Variants in WDFY4 observed in about 807,000 individuals in gnomAD.
WDFY4 encodes the protein WD repeat- and FYVE domain-containing protein 4.
A neutral mutation model predicts 351.9 loss-of-function variants in WDFY4; 169 were observed. The ratio of observed to expected loss-of-function variants is 0.48; its 90% confidence interval spans 0.42 to 0.55. The LOEUF (loss-of-function observed/expected upper bound fraction) is 0.55. Among genes scored for constraint, WDFY4 ranks in the 20% least tolerant of loss-of-function variants. WDFY4 has a pLI of 0.00. For synonymous variants in WDFY4, 1,622 were observed against 1,574.6 expected, an observed-to-expected ratio of 1.03 and a Z score of -0.71; for missense variants, 3,803 against 3,935.6, an observed-to-expected ratio of 0.97 and a Z score of 0.90.
intron 52 of WDFY4, among the ~76,000 whole-genome samples, chr10:48,959,352 T>G (rs1226403383): frequency 6.6e-6 from 1 of 152,242 alleles, no homozygotes; most frequent in Non-Finnish European, 1.5e-5. Flanking sequence ...ATTTGCCAGC[T>G]TGCACCACTA....
chr10:48,889,851 G>T (rs964390645), intron 43 of WDFY4, among the ~76,000 whole-genome samples: 2 of 152,208 alleles, frequency 1.3e-5, no homozygotes, highest in African/African-American at 4.8e-5. Context: ...GGTTTGGGAT[G>T]GTTGTTTAGA....
chr10:48,738,773 T>C (rs929571708), intron 11 of WDFY4, among the ~76,000 whole-genome samples: 1 of 152,224 alleles, frequency 6.6e-6, no homozygotes, highest in Admixed American at 6.5e-5. Flanking sequence ...ACTCTGCCCA[T>C]AGGGACTGTT....
At chr10:48,846,207 T>C (rs2068770683) in intron 39 of WDFY4, among the ~76,000 whole-genome samples, 1 of 152,204 alleles carries the variant, frequency 6.6e-6, no homozygotes, top group Non-Finnish European at 1.5e-5. Flanking sequence ...CCTGTCACAT[T>C]CCCACATGGC....
chr10:48,790,023 G>A (rs918613109), intron 22 of WDFY4, 38 bp downstream of exon 22: 18 of 1,543,928 alleles, frequency 1.2e-5, no homozygotes, highest in Non-Finnish European at 1.5e-5. Flanking sequence ...TATTTGGGAA[G>A]CAGGGTTTGT....
At chr10:48,881,050 G>T (rs1212931937) in intron 43 of WDFY4, among the ~76,000 whole-genome samples, 3 of 152,214 alleles carry the variant, frequency 2.0e-5, no homozygotes, top group Admixed American at 6.5e-5. Flanking sequence ...TTAGAATGGG[G>T]TTCTACTCCT....
chr10:48,961,329 G>A (rs1841851129), intron 53 of WDFY4, among the ~76,000 whole-genome samples: 1 of 152,222 alleles, frequency 6.6e-6, no homozygotes, highest in Non-Finnish European at 1.5e-5. Flanking sequence ...ATTGACCAGA[G>A]TGTTGCTGGA....
At position 48,790,874 on chromosome 10, in the gene WDFY4, AT is replaced by A; in HGVS notation, c.4215del (p.Asn1405LysfsTer7). The part of the protein sequence containing the change: ...VKVLHSVLTS[N>X]AMCDFLMQHI... ...GTTCTGCACTCGGTCCTGACCAGTA[AT>A]GCCATGTGTGACTTCCTGATGCAAC... is the stretch of plus-strand genomic sequence containing the variant. On this transcript the variant is annotated frameshift_variant, in exon 23 of 62. Coordinates refer to ENST00000325239, the MANE Select transcript of WDFY4 (RefSeq NM_001394531.1). LOFTEE classifies it high-confidence loss of function. The A allele has an allele frequency of 6.4e-7, 1 of 1,551,746 alleles. No homozygotes were observed. The highest frequency in any genetic ancestry group is 8.7e-7 in the Non-Finnish European group (1 of 1,147,004).
rs1290551646 is a variant in WDFY4, at chr10:48,787,883, TTCTTCTTCTCCTTC to T, written c.3809-645_3809-632del. On this transcript the variant is annotated intron_variant, in intron 20 of 61. Coordinates refer to ENST00000325239, the MANE Select transcript of WDFY4 (RefSeq NM_001394531.1). ...TTTCTTCTTCTTTCTTCTTTCTTTC[TTCTTCTTCTCCTTC>T]TTCTTCTTCTTCTTCTTCTTCTTCT... Among the ~76,000 whole-genome samples, 34 of 90,042 alleles carry T rather than the reference TTCTTCTTCTCCTTC, an allele frequency of 3.8e-4. 4 individuals carry two copies. The highest frequency in any genetic ancestry group is 1.7e-3 in the African/African-American group (20 of 12,048). 59.1% of individuals were successfully genotyped at this position (90,042 alleles called of 152,430 possible).
At chr10:48,751,973 C>T (rs1319616189) in intron 12 of WDFY4, among the ~76,000 whole-genome samples, 1 of 152,278 alleles carries the variant, frequency 6.6e-6, no homozygotes, top group Non-Finnish European at 1.5e-5. Context: ...CGCCTCACAC[C>T]ACCACTGGCT....
intron 42 of WDFY4, among the ~76,000 whole-genome samples, chr10:48,875,953 G>T (rs183703124): frequency 1.4e-4 from 22 of 152,314 alleles, no homozygotes; most frequent in African/African-American, 5.3e-4. Flanking sequence ...ATGATTGCCT[G>T]CCTGCTCCAG....
chr10:48,729,857 A>G (rs922882723), intron 8 of WDFY4, among the ~76,000 whole-genome samples: 7 of 152,288 alleles, frequency 4.6e-5, no homozygotes, highest in African/African-American at 1.7e-4. Context: ...ATTTGCTTAT[A>G]TAATGGGGAC....
intron 49 of WDFY4, among the ~76,000 whole-genome samples, chr10:48,944,723 C>G (rs904627113): frequency 6.6e-6 from 1 of 152,232 alleles, no homozygotes. Flanking sequence ...ATTTCAAACA[C>G]AAAACCTACT....
Position 48,733,957 on chromosome 10 carries a change from C to T in WDFY4, c.1609C>T (p.Gln537Ter). The change falls in exon 10 of 62, where the codon CAG (glutamine) becomes TAG (stop). Residue 537 changes from glutamine to a stop codon, truncating the protein, a stop_gained. Transcript: ENST00000325239. LOFTEE classifies it high-confidence loss of function. Reference protein sequence around the residue: ...SGNKVSTPGVQDPERELTCVM... With the variant: ...SGNKVSTPGV Reference sequence around the variant, plus strand: ...AAACAAAGTGTCCACTCCTGGTGTTCAGGATCCAGAAAGAGAACTCACCTG... The same window carrying T: ...AAACAAAGTGTCCACTCCTGGTGTTTAGGATCCAGAAAGAGAACTCACCTG... The T allele has an allele frequency of 6.4e-7, 1 of 1,551,716 alleles. No individual in the cohort carries two copies. The highest frequency in any genetic ancestry group is 8.7e-7 in the Non-Finnish European group (1 of 1,146,998).
chr10:48,840,473 C>CA (rs570364476), intron 39 of WDFY4, among the ~76,000 whole-genome samples: 122 of 151,056 alleles, frequency 8.1e-4, no homozygotes, highest in African/African-American at 2.8e-3. Context: ...ACACACACAC[C>CA]CCCACTCTCT....
chr10:48,774,458 C>T lies in WDFY4; in HGVS notation c.2554C>T (p.Leu852Phe), dbSNP rs1413387579. ...PRLYHEDHPQ[L>F]SEEIQCSLAS... ...CACAGCTTGCTTTGGTCACTCTTAG[C>T]TTTCCGAGGAGATCCAGTGCTCCCT... The change falls in exon 14 of 62, where the codon CTT becomes TTT. Residue 852 changes from leucine (L) to phenylalanine (F), a missense_variant and splice_region_variant. Transcript: ENST00000325239. 16 of 1,551,616 alleles carry T rather than the reference C, an allele frequency of 1.0e-5. No homozygotes were observed. The highest frequency in any genetic ancestry group is 1.3e-5 in the Non-Finnish European group (15 of 1,147,016).
At chr10:48,882,968 A>G (rs1013873351) in intron 43 of WDFY4, among the ~76,000 whole-genome samples, 3 of 152,080 alleles carry the variant, frequency 2.0e-5, no homozygotes, top group African/African-American at 7.2e-5. Context: ...TTGACCTCAG[A>G]TCTCTCTTAT....
chr10:48,937,389 A>G (rs1268285662), intron 47 of WDFY4, among the ~76,000 whole-genome samples: 3 of 152,196 alleles, frequency 2.0e-5, no homozygotes, highest in Non-Finnish European at 2.9e-5. Context: ...CTTCAGTGTT[A>G]GGGTCCTGGA....
In WDFY4 at chr10:48,811,597, C is replaced by A; in HGVS notation, c.5103C>A (p.Phe1701Leu). ...AAAGCCCATGCCTGCTTCCTGGGTTCCGTGTCTTGAATGACTTTCTGGCCC... is the reference window on the plus strand; with the variant it reads ...AAAGCCCATGCCTGCTTCCTGGGTTACGTGTCTTGAATGACTTTCTGGCCC... ...PEQSPCLLPGFRVLNDFLAHH... is the reference protein window; with the variant it reads ...PEQSPCLLPGLRVLNDFLAHH... Residue 1701 changes from phenylalanine to leucine, a missense_variant, in exon 30 of 62, where the codon TTC becomes TTA. By Grantham distance (22) the Phe-to-Leu change is conservative. This residue lies in a region of WDFY4 where 3,054 missense variants were observed against 3,148.6 expected (regional missense o/e 0.97). Coordinates refer to ENST00000325239, the MANE Select transcript of WDFY4 (RefSeq NM_001394531.1). The A allele has an allele frequency of 6.4e-7, 1 of 1,552,192 alleles. No homozygotes were observed. Among genetic ancestry groups the A allele is most frequent in the Non-Finnish European group, 8.7e-7 (1 of 1,147,100 alleles).
chr10:48,889,967 T>C (rs1407406164), intron 43 of WDFY4, among the ~76,000 whole-genome samples: 1 of 152,228 alleles, frequency 6.6e-6, no homozygotes. Flanking sequence ...GACCAGGGGC[T>C]GTATTCAGCT....
Sources: allele counts gnomAD v4.1 joint callset (sites outside exome capture counted in the v4.1 genomes callset), GRCh38; gene constraint gnomAD v4.1.1; regional missense constraint gnomAD v4.1.1; transcripts MANE v1.5; gene names NCBI Gene and HGNC (gene_info 2026-07-23, HGNC 2026-07-21).